PLAC1: variants seen among roughly 807,000 people sequenced by gnomAD.
PLAC1 encodes placenta-specific protein 1.
For synonymous variants in PLAC1, 68 were observed against 62.1 expected (o/e 1.09, Z -0.44); for missense variants, 136 against 163.2 (o/e 0.83, Z 0.91).
chrX:134,593,795 T>A (rs2078050756), intron 2 of PLAC1, among the ~76,000 whole-genome samples: 1 of 111,597 alleles, frequency 9.0e-6, no homozygotes, highest in South Asian at 3.7e-4. Flanking sequence ...TTTAGGAGTT[T>A]AAAAAAAATA....
intron 1 of PLAC1, among the ~76,000 whole-genome samples, chrX:134,650,121 T>C (rs896374407): frequency 1.8e-5 from 2 of 112,372 alleles, no homozygotes; most frequent in Non-Finnish European, 3.8e-5. Flanking sequence ...TCATACCCTT[T>C]ATCCAATCAC....
At position 134,666,431 on chromosome X, in the gene PLAC1, G is replaced by GA. The variant is rs1272050989; in HGVS notation, n.175-64310dup. ...GCAAGCAAGAGCATTTTTCCTTCGA[G>GA]AAAAAAAAAATGAAACCAAACCTCT... On this transcript the variant is annotated intron_variant and non_coding_transcript_variant, in intron 2 of 2. Coordinates refer to the PLAC1 transcript ENST00000466797. Among the ~76,000 whole-genome samples, 181 of 107,001 alleles carry GA rather than the reference G, an allele frequency of 1.7e-3. 1 individual carries two copies. The highest frequency in any genetic ancestry group is 4.5e-3 in the African/African-American group (133 of 29,610). 92.9% of individuals were successfully genotyped at this position (107,001 alleles called of 115,157 possible).
chrX:134,722,739 G>T lies in PLAC1; in HGVS notation n.174+10696C>A, dbSNP rs1206355232. 5.4e-5 allele frequency among the ~76,000 whole-genome samples: 6 copies of T among 111,723 alleles called. No homozygotes were observed. The East Asian group carries it at 1.7e-3, about 31-fold the overall frequency. ...TTTGCAGGGAGATAACTGATTTTTG[G>T]TTTATAGCCCAGATGTTTATGGAAT... is the stretch of plus-strand genomic sequence containing the variant. On this transcript the variant is annotated intron_variant and non_coding_transcript_variant, in intron 2 of 2. Coordinates refer to the PLAC1 transcript ENST00000466797.
chrX:134,571,537 A>G (rs1292046840), intron 2 of PLAC1, among the ~76,000 whole-genome samples: 1 of 111,709 alleles, frequency 9.0e-6, no homozygotes, highest in African/African-American at 3.3e-5. Flanking sequence ...GTATATTTCA[A>G]AATGGCTAAG....
At chrX:134,660,488 G>A (rs182390777), upstream of PLAC1, among the ~76,000 whole-genome samples, 59 of 112,147 alleles carry the variant, frequency 5.3e-4, 1 homozygote, top group African/African-American at 1.7e-3. Flanking sequence ...AAAAAGAACC[G>A]AAATATAGGC....
chrX:134,620,373 T>C (rs969292783), intron 1 of PLAC1, among the ~76,000 whole-genome samples: 2 of 112,400 alleles, frequency 1.8e-5, no homozygotes, highest in African/African-American at 3.2e-5. Flanking sequence ...GTATTTTGAG[T>C]TGACAAGTTC....
intron 2 of PLAC1, among the ~76,000 whole-genome samples, chrX:134,667,699 T>A (rs1204910092): frequency 9.0e-6 from 1 of 110,900 alleles, no homozygotes; most frequent in African/African-American, 3.3e-5. Context: ...GGCAGTAAGA[T>A]TACTTGAAGG....
intron 2 of PLAC1, among the ~76,000 whole-genome samples, chrX:134,668,245 C>T (rs1016102592): frequency 5.3e-5 from 6 of 112,419 alleles, no homozygotes; most frequent in Admixed American, 3.8e-4. Flanking sequence ...CACATATACA[C>T]GATTCCATTT....
At chrX:134,737,672 T>C (rs750269301) in intron 1 of PLAC1, among the ~76,000 whole-genome samples, 2 of 112,312 alleles carry the variant, frequency 1.8e-5, no homozygotes, top group Non-Finnish European at 3.8e-5. Context: ...GTGTGCTCCA[T>C]TACCCTTCCT....
At chrX:134,686,299 T>C (rs1454915827) in intron 2 of PLAC1, among the ~76,000 whole-genome samples, 3 of 112,152 alleles carry the variant, frequency 2.7e-5, no homozygotes, top group Non-Finnish European at 5.6e-5. Flanking sequence ...GGTTTGAAGA[T>C]GGGAAAGTTG....
rs897320856 is a variant in PLAC1 at position 134,566,147 on chromosome X, T to A, written c.536A>T (p.His179Leu). The A allele has an allele frequency of 8.3e-7, 1 of 1,209,557 alleles. No homozygotes were observed. The highest frequency in any genetic ancestry group is 1.7e-5 in the African/African-American group (1 of 57,173). Reference sequence around the variant, plus strand: ...TTGAGCCTCCTGAGCCCCTGCTTGGTGACAAGGGACCTGGGTATGCTCTTC... The same window carrying A: ...TTGAGCCTCCTGAGCCCCTGCTTGGAGACAAGGGACCTGGGTATGCTCTTC... ...SEEEHTQVPCHQAGAQEAQPL... is the reference protein window; with the variant it reads ...SEEEHTQVPCLQAGAQEAQPL... Residue 179 changes from histidine to leucine, a missense_variant, in exon 3 of 3, where the codon CAC (histidine) becomes CTC (leucine). Coordinates refer to ENST00000359237, the MANE Select transcript of PLAC1 (RefSeq NM_021796.4).
intron 1 of PLAC1, among the ~76,000 whole-genome samples, chrX:134,612,407 A>G (rs748031418): frequency 3.6e-5 from 4 of 112,398 alleles, no homozygotes; most frequent in African/African-American, 1.3e-4. Context: ...AGGAGATGCT[A>G]TCATTAAAAC....
chrX:134,723,308 CTTTT>C (rs150713448), intron 2 of PLAC1, among the ~76,000 whole-genome samples: 3 of 96,354 alleles, frequency 3.1e-5, no homozygotes, highest in Non-Finnish European at 2.1e-5. Flanking sequence ...AATTGTATTA[CTTTT>C]TTTTTTTTTT....
rs73566616 is a variant in PLAC1, at chrX:134,602,397, T to G, written c.-130-275A>C. The stretch of plus-strand genomic sequence containing the variant: ...CTCAAATTAAATCCGTCTAAAACTG[T>G]GACTAAAGAAATGAAAGTATTATGT... On this transcript the variant is annotated intron_variant, in intron 1 of 2. Transcript: ENST00000359237. 9.4e-3 allele frequency among the ~76,000 whole-genome samples: 1,050 copies of G among 112,108 alleles called. 15 individuals carry two copies. Among genetic ancestry groups the G allele is most frequent in the African/African-American group, 0.032 (984 of 30,847 alleles).
rs2078619317 is a variant in PLAC1, at chrX:134,709,009, C to CCTCTCTGT, written n.174+24425_174+24426insACAGAGAG. Among the ~76,000 whole-genome samples the CCTCTCTGT allele has an allele frequency of 2.7e-5, 3 of 111,918 alleles. No individual in the cohort carries two copies. In the South Asian group the frequency reaches 1.1e-3, roughly 42 times the overall value. The stretch of plus-strand genomic sequence containing the variant: ...AGGGGGCCTCTCTGTACCATATTTG[C>CCTCTCTGT]ATCTTCCCGTGAATCTATAATTATA... On this transcript the variant is annotated intron_variant and non_coding_transcript_variant, in intron 2 of 2. Transcript: ENST00000466797.
At chrX:134,607,927 C>T (rs2078131266) in intron 1 of PLAC1, among the ~76,000 whole-genome samples, 1 of 111,664 alleles carries the variant, frequency 9.0e-6, no homozygotes, top group Admixed American at 9.6e-5. Flanking sequence ...TCCTAGACAA[C>T]ACCTGGACTG....
chrX:134,597,490 G>T (rs2078067559), intron 2 of PLAC1, among the ~76,000 whole-genome samples: 1 of 112,325 alleles, frequency 8.9e-6, no homozygotes, highest in African/African-American at 3.2e-5. Context: ...TGAATTGACT[G>T]TCTTTTTCAC....
intron 1 of PLAC1, among the ~76,000 whole-genome samples, chrX:134,756,571 C>T (rs1406804501): frequency 1.8e-5 from 2 of 110,475 alleles, no homozygotes; most frequent in Non-Finnish European, 3.8e-5. Flanking sequence ...CATTTTCGGC[C>T]GGGCGCGGTG....
At chrX:134,744,743 C>T (rs1158504213) in intron 1 of PLAC1, among the ~76,000 whole-genome samples, 1 of 111,933 alleles carries the variant, frequency 8.9e-6, no homozygotes, top group Non-Finnish European at 1.9e-5. Context: ...TGACTTTGGG[C>T]AAACCAGGCT....
Sources: gnomAD v4.1 joint callset for allele counts (sites outside exome capture counted in the v4.1 genomes callset) on GRCh38, gnomAD v4.1.1 for gene constraint, MANE v1.5 for transcripts, NCBI Gene and HGNC (gene_info 2026-07-23, HGNC 2026-07-21) for gene names.